The following CTNNA2 variants were observed in gnomAD, a reference collection of about 807,000 sequenced individuals.
CTNNA2 encodes the protein catenin alpha 2, also known as catenin alpha-2.
CTNNA2 carries 42 observed loss-of-function variants against 101.0 expected under a neutral mutation model. That is an observed-to-expected ratio of 0.42 (90% CI 0.32 to 0.54). The LOEUF (loss-of-function observed/expected upper bound fraction) is 0.54, where lower values mean the gene tolerates loss of function less well. Among genes scored for constraint, CTNNA2 ranks in the 20% least tolerant of loss-of-function variants. The pLI is 0.14. For missense variants in CTNNA2, 871 were observed against 1,223.1 expected (o/e 0.71, Z 4.29); for synonymous variants, 450 against 456.4 (o/e 0.99, Z 0.18).
chr2:79,611,760 G>T (rs1678290976), intron 1 of CTNNA2, among the ~76,000 whole-genome samples: 1 of 152,118 alleles, frequency 6.6e-6, no homozygotes, highest in African/African-American at 2.4e-5. Context: ...ACTGCAGTAT[G>T]AGAAGCATAA....
At chr2:80,032,346 C>T (rs1170778815) in intron 7 of CTNNA2, among the ~76,000 whole-genome samples, 1 of 152,084 alleles carries the variant, frequency 6.6e-6, no homozygotes, top group East Asian at 1.9e-4. Context: ...AAACAGAAAG[C>T]AGCTGGCAGT....
rs1558755086 is a variant in CTNNA2, at chr2:80,043,098, TCTC to T, written c.1056+133302_1056+133304del. Among the ~76,000 whole-genome samples, 134 of 24,544 alleles carry T rather than the reference TCTC, an allele frequency of 5.5e-3. 2 individuals are homozygous for T. Among genetic ancestry groups the T allele is most frequent in the South Asian group, 0.015 (14 of 940 alleles). 16.1% of individuals were successfully genotyped at this position (24,544 alleles called of 152,430 possible). A position where few individuals can be genotyped will look rare whatever the true frequency, so the allele number is the denominator to read the frequency against. On this transcript the variant is annotated intron_variant, in intron 7 of 18. Transcript: ENST00000402739. ...TTCTTTCTTTCTTTCTTTCTTTCTC[TCTC>T]TCTCTCTCTCTTTCTTTCTCCTTCC... is the stretch of plus-strand genomic sequence containing the variant.
At chr2:79,478,702 T>C (rs1671078457) in intron 4 of CTNNA2, among the ~76,000 whole-genome samples, 2 of 152,226 alleles carry the variant, frequency 1.3e-5, no homozygotes, top group Admixed American at 1.3e-4. Context: ...TTACTAATAA[T>C]ATTCTGGACT....
In CTNNA2 at chr2:80,342,586, A is replaced by G. The variant is rs536419884; in HGVS notation, c.1057-50625A>G. 2.0e-5 allele frequency among the ~76,000 whole-genome samples: 3 copies of G among 152,336 alleles called. No homozygotes were observed. In the South Asian group the frequency reaches 6.2e-4, roughly 32 times the overall value. On this transcript the variant is annotated intron_variant, in intron 7 of 18. Coordinates refer to ENST00000402739, the MANE Select transcript of CTNNA2 (RefSeq NM_001282597.3). ...CTGATTATAAAAATAGTTTCTTTCC[A>G]GGCAAATAAAATGTTTCATGCACTG... is the stretch of plus-strand genomic sequence containing the variant.
intron 2 of CTNNA2, among the ~76,000 whole-genome samples, chr2:79,683,402 A>C (rs1288557425): frequency 6.6e-6 from 1 of 152,212 alleles, no homozygotes; most frequent in Non-Finnish European, 1.5e-5. Flanking sequence ...AATTTCCCTG[A>C]AGAAGTCCGT....
intron 3 of CTNNA2, among the ~76,000 whole-genome samples, chr2:79,357,443 A>C (rs180893604): frequency 2.3e-3 from 355 of 152,334 alleles, no homozygotes; most frequent in Non-Finnish European, 3.1e-3. Context: ...AATCACAGAA[A>C]GCAAATTATT....
At position 80,344,633 on chromosome 2, in the gene CTNNA2, C is replaced by T. The variant is rs563865038; in HGVS notation, c.1057-48578C>T. On this transcript the variant is annotated intron_variant, in intron 7 of 18. Transcript: ENST00000402739. ...CCAAGTAGCTGAGACCATGGCCCTG[C>T]GCCACCACGCCCAGCTATCTTTTTG... Among the ~76,000 whole-genome samples the T allele has an allele frequency of 8.5e-5, 13 of 152,232 alleles. 1 individual carries two copies. The highest frequency in any genetic ancestry group is 8.3e-4 in the South Asian group (4 of 4,828).
At chr2:80,412,236 G>A (rs971163674) in intron 8 of CTNNA2, among the ~76,000 whole-genome samples, 29 of 152,180 alleles carry the variant, frequency 1.9e-4, no homozygotes, top group Non-Finnish European at 1.6e-4. Flanking sequence ...TGACCTGTGC[G>A]TGCTGGGGCA....
At chr2:80,234,768 G>A (rs1340232557) in intron 7 of CTNNA2, among the ~76,000 whole-genome samples, 2 of 152,016 alleles carry the variant, frequency 1.3e-5, no homozygotes, top group Non-Finnish European at 2.9e-5. Flanking sequence ...ATGAAGACAG[G>A]GGAATGGTTA....
chr2:80,394,672 T>C (rs1409362023), intron 8 of CTNNA2, among the ~76,000 whole-genome samples: 2 of 152,204 alleles, frequency 1.3e-5, no homozygotes, highest in African/African-American at 4.8e-5. Context: ...CCCTTGGTTT[T>C]AGTGTTAGCT....
chr2:80,534,135 T>G (rs1211516327), intron 9 of CTNNA2, among the ~76,000 whole-genome samples: 1 of 152,124 alleles, frequency 6.6e-6, no homozygotes. Flanking sequence ...CATTTGCTAG[T>G]GGTGTGTGTA....
intron 7 of CTNNA2, among the ~76,000 whole-genome samples, chr2:80,240,080 C>T (rs966037925): frequency 6.6e-5 from 10 of 152,152 alleles, no homozygotes; most frequent in African/African-American, 2.4e-4. Flanking sequence ...TAAGTGGGGA[C>T]TACCATATGG....
chr2:80,243,172 A>G (rs540114017), intron 7 of CTNNA2, among the ~76,000 whole-genome samples: 3 of 152,204 alleles, frequency 2.0e-5, no homozygotes, highest in East Asian at 1.9e-4. Context: ...GTAGTAAGAA[A>G]CATTATGGGG....
intron 3 of CTNNA2, among the ~76,000 whole-genome samples, chr2:79,362,370 G>GTA (rs1480282643): frequency 6.6e-6 from 1 of 152,164 alleles, no homozygotes; most frequent in African/African-American, 2.4e-5. Flanking sequence ...TTTGAACTAT[G>GTA]TATACCTTGT....
At position 80,575,303 on chromosome 2, in the gene CTNNA2, T is replaced by A. The variant is rs1389008203; in HGVS notation, c.1893+989T>A. 2.0e-5 allele frequency: 3 copies of A among 152,182 alleles called. No individual in the cohort carries two copies. In the East Asian group the frequency reaches 5.8e-4, roughly 29 times the overall value. 9.4% of individuals were successfully genotyped at this position (152,182 alleles called of 1,614,324 possible). Reference sequence around the variant, plus strand: ...TAAACACACTACAAAAGCAAAAAGATGAAATTAATTATAATTTTAAAAATT... The same window carrying A: ...TAAACACACTACAAAAGCAAAAAGAAGAAATTAATTATAATTTTAAAAATT... On this transcript the variant is annotated intron_variant, in intron 13 of 18. Coordinates refer to ENST00000402739, the MANE Select transcript of CTNNA2 (RefSeq NM_001282597.3).
At chr2:79,747,881 A>G (rs1671748623) in intron 3 of CTNNA2, among the ~76,000 whole-genome samples, 1 of 152,190 alleles carries the variant, frequency 6.6e-6, no homozygotes, top group African/African-American at 2.4e-5. Context: ...CTCAAATGCC[A>G]CGTGCTCCTT....
intron 3 of CTNNA2, among the ~76,000 whole-genome samples, chr2:79,819,065 T>C (rs1321847605): frequency 1.3e-5 from 2 of 151,000 alleles, no homozygotes; most frequent in African/African-American, 4.9e-5. Flanking sequence ...CTGCAACCCC[T>C]GCCTCCCAGG....
At chr2:79,533,248 TA>T (rs1672851869) in intron 1 of CTNNA2, among the ~76,000 whole-genome samples, 1 of 152,236 alleles carries the variant, frequency 6.6e-6, no homozygotes, top group South Asian at 2.1e-4. Context: ...ACCCGCTACA[TA>T]ACCTGTACTC....
chr2:80,465,368 A>G (rs1684765527), intron 9 of CTNNA2, among the ~76,000 whole-genome samples: 1 of 151,244 alleles, frequency 6.6e-6, no homozygotes. Flanking sequence ...CTATGTAGTC[A>G]GTGTTTATTG....
Sources: allele counts gnomAD v4.1 joint callset (sites outside exome capture counted in the v4.1 genomes callset), GRCh38; gene constraint gnomAD v4.1.1; transcripts MANE v1.5; gene names NCBI Gene and HGNC (gene_info 2026-07-23, HGNC 2026-07-21).